Variants in MARK1 observed in about 807,000 individuals in gnomAD.
MARK1 encodes the protein microtubule affinity regulating kinase 1.
In MARK1, 40 loss-of-function variants were observed where a neutral mutation model predicts 96.3. That is an observed-to-expected ratio of 0.42 (90% CI 0.32 to 0.54). MARK1 has a LOEUF of 0.54. MARK1 is among the 20% of genes least tolerant of loss of function. The pLI is 0.16. For synonymous variants in MARK1, 317 were observed against 341.2 expected (o/e 0.93, Z 0.78); for missense variants, 719 against 984.6 (o/e 0.73, Z 3.61).
chr1:220,645,822 G>A (rs1411538012), intron 13 of MARK1, among the ~76,000 whole-genome samples: 5 of 152,106 alleles, frequency 3.3e-5, no homozygotes. Flanking sequence ...TATCTCAATA[G>A]ACACAGAAAA....
intron 11 of MARK1, among the ~76,000 whole-genome samples, chr1:220,633,411 T>A (rs1014773358): frequency 6.6e-6 from 1 of 151,908 alleles, no homozygotes; most frequent in Admixed American, 6.5e-5. Context: ...GCTGAAATTA[T>A]TTATAATTCC....
intron 6 of MARK1, among the ~76,000 whole-genome samples, chr1:220,611,701 G>A (rs1242167802): frequency 1.3e-5 from 2 of 151,892 alleles, no homozygotes; most frequent in Non-Finnish European, 2.9e-5. Flanking sequence ...AATGTCCCTC[G>A]ACATGTATTT....
intron 1 of MARK1, among the ~76,000 whole-genome samples, chr1:220,551,448 C>G (rs2786619): frequency 0.19 from 28,254 of 152,134 alleles, 3,342 homozygotes; most frequent in East Asian, 0.36. Flanking sequence ...AAAACCCACT[C>G]CTTGTCAGCT....
intron 9 of MARK1, among the ~76,000 whole-genome samples, chr1:220,624,851 A>G (rs1211119816): frequency 1.3e-5 from 2 of 152,196 alleles, no homozygotes; most frequent in African/African-American, 2.4e-5. Flanking sequence ...TATAGAAACC[A>G]TATTCTGCCA....
chr1:220,572,855 T>C (rs1010901917), intron 1 of MARK1, among the ~76,000 whole-genome samples: 1 of 152,216 alleles, frequency 6.6e-6, no homozygotes, highest in Non-Finnish European at 1.5e-5. Flanking sequence ...ACAAATTCTT[T>C]CAGTTTTTGT....
chr1:220,656,257 A>G (rs556528613), intron 16 of MARK1, among the ~76,000 whole-genome samples: 1 of 152,340 alleles, frequency 6.6e-6, no homozygotes, highest in East Asian at 1.9e-4. Context: ...ACAATTGCCA[A>G]GTAGCAGAAA....
chr1:220,653,057 T>A (rs1168270323), intron 15 of MARK1, 44 bp from the exon 16 acceptor site: 2 of 1,600,478 alleles, frequency 1.2e-6, no homozygotes, highest in Non-Finnish European at 1.7e-6. Context: ...TGAAAGGTTT[T>A]CTTGTCATTA....
At chr1:220,607,550 C>T (rs1666157783) in intron 6 of MARK1, among the ~76,000 whole-genome samples, 1 of 150,254 alleles carries the variant, frequency 6.7e-6, no homozygotes, top group African/African-American at 2.5e-5. Flanking sequence ...GCCAGAACTT[C>T]CAACACTATG....
At chr1:220,558,778 T>C (rs1662467648) in intron 1 of MARK1, among the ~76,000 whole-genome samples, 1 of 151,802 alleles carries the variant, frequency 6.6e-6, no homozygotes, top group South Asian at 2.1e-4. Flanking sequence ...ACTATAGAAA[T>C]AAGAATAAGC....
At chr1:220,598,807 A>G (rs1011065596) in intron 4 of MARK1, among the ~76,000 whole-genome samples, 2 of 152,010 alleles carry the variant, frequency 1.3e-5, no homozygotes, top group African/African-American at 4.8e-5. Context: ...CACCCTGGGC[A>G]ACACGGCAAA....
At chr1:220,529,056 C>T (rs1483755566) in intron 1 of MARK1, among the ~76,000 whole-genome samples, 183 bp downstream of exon 1, 1 of 152,222 alleles carries the variant, frequency 6.6e-6, no homozygotes, top group East Asian at 1.9e-4. Context: ...CCCCATTTCG[C>T]TTGTTTCCCC....
intron 16 of MARK1, 23 bp downstream of exon 16, chr1:220,653,375 G>A (rs764668266): frequency 2.5e-6 from 4 of 1,605,284 alleles, no homozygotes; most frequent in Non-Finnish European, 3.4e-6. Flanking sequence ...GTACTGTCGT[G>A]TTTTGATTCC....
In MARK1 at chr1:220,587,295, TCCTTCCTC is replaced by T. The variant is rs535222515; in HGVS notation, c.309+6181_309+6188del. 2.1e-3 allele frequency among the ~76,000 whole-genome samples: 308 copies of T among 147,074 alleles called. 1 individual carries two copies. The highest frequency in any genetic ancestry group is 7.3e-3 in the African/African-American group (291 of 39,850). On this transcript the variant is annotated intron_variant, in intron 3 of 17. Transcript: ENST00000366917. ...TTCCTTCTTTCCTTCCTTCCTTCCT[TCCTTCCTC>T]CCTCCCTCCCTCTCTCTCTCTTTCT...
At chr1:220,644,738 C>T (rs1156534924) in intron 13 of MARK1, among the ~76,000 whole-genome samples, 1 of 152,132 alleles carries the variant, frequency 6.6e-6, no homozygotes, top group Admixed American at 6.5e-5. Flanking sequence ...TCCCAGACCA[C>T]AGGACAATCA....
chr1:220,558,589 A>G lies in MARK1; in HGVS notation c.52-20765A>G, dbSNP rs1403427133. 2.6e-5 allele frequency among the ~76,000 whole-genome samples: 4 copies of G among 152,174 alleles called. No individual in the cohort carries two copies. The East Asian group carries it at 5.8e-4, about 22-fold the overall frequency. On this transcript the variant is annotated intron_variant, in intron 1 of 17. Transcript: ENST00000366917. ...ATATCAGACTAATAAGATAAAGAGC[A>G]TTATTAAAGATAAAGGCCATTACCC...
intron 3 of MARK1, among the ~76,000 whole-genome samples, chr1:220,587,417 G>C (rs1213439798): frequency 6.6e-6 from 1 of 151,170 alleles, no homozygotes; most frequent in African/African-American, 2.4e-5. Context: ...TGCCCAGACT[G>C]GAGTGCAATG....
chr1:220,555,425 A>C (rs1335531300), intron 1 of MARK1, among the ~76,000 whole-genome samples: 1 of 152,100 alleles, frequency 6.6e-6, no homozygotes, highest in Non-Finnish European at 1.5e-5. Flanking sequence ...AATTGTTGGG[A>C]GGTTGTTGAT....
At chr1:220,539,580 G>T (rs1284976834) in intron 1 of MARK1, among the ~76,000 whole-genome samples, 1 of 152,100 alleles carries the variant, frequency 6.6e-6, no homozygotes, top group Non-Finnish European at 1.5e-5. Context: ...TTTTAATCAT[G>T]AAAGGGTACT....
intron 11 of MARK1, among the ~76,000 whole-genome samples, chr1:220,633,554 C>T (rs140400962): frequency 3.3e-5 from 5 of 152,196 alleles, no homozygotes; most frequent in African/African-American, 4.8e-5. Flanking sequence ...AGTCTAGAGA[C>T]GAGGTGAGCA....
Sources: gnomAD v4.1 joint callset for allele counts (sites outside exome capture counted in the v4.1 genomes callset) on GRCh38, gnomAD v4.1.1 for gene constraint, MANE v1.5 for transcripts, NCBI Gene and HGNC (gene_info 2026-07-23, HGNC 2026-07-21) for gene names.